The following MAP2K4 variants were observed in gnomAD, a reference collection of about 807,000 sequenced individuals.
MAP2K4 encodes the protein dual specificity mitogen-activated protein kinase kinase 4.
In MAP2K4, 4 loss-of-function variants were observed where a neutral mutation model predicts 48.5. That is an observed-to-expected ratio of 0.08 (90% CI 0.04 to 0.19). The LOEUF is 0.19. Ranked by LOEUF, MAP2K4 falls within the 10% of genes least tolerant of loss-of-function variation. The probability of loss-of-function intolerance (pLI) is 1.00; values close to 1 mark genes in which losing one functional copy is unlikely to be tolerated. For synonymous variants in MAP2K4, 166 were observed against 173.1 expected (o/e 0.96, Z 0.32); for missense variants, 258 against 493.3 (o/e 0.52, Z 4.52).
chr17:12,061,991 T>C (rs1230007083), intron 2 of MAP2K4, among the ~76,000 whole-genome samples: 2 of 152,056 alleles, frequency 1.3e-5, no homozygotes, highest in Non-Finnish European at 2.9e-5. Flanking sequence ...CTGCCTCATA[T>C]ATGGTTCACT....
intron 2 of MAP2K4, among the ~76,000 whole-genome samples, chr17:12,060,940 G>T (rs936614160): frequency 6.6e-6 from 1 of 151,884 alleles, no homozygotes; most frequent in South Asian, 2.1e-4. Flanking sequence ...TTCTCAGATC[G>T]AACTTCTGTA....
rs1294433193 is a variant in MAP2K4 at position 12,020,962 on chromosome 17, TC to T, written c.80del (p.Pro27ArgfsTer18). On this transcript the variant is annotated frameshift_variant, in exon 1 of 11. Coordinates refer to ENST00000353533, the MANE Select transcript of MAP2K4 (RefSeq NM_003010.4). LOFTEE classifies it high-confidence loss of function. Reference protein sequence around the residue: ...SGSGTPGPVGSPAPGHPAVSS... With the variant: ...SGSGTPGPVGXPAPGHPAVSS... ...CAGCGGCACCCCCGGCCCCGTAGGG[TC>T]CCCGGCGCCAGGCCACCCGGCCGTC... The T allele has an allele frequency of 1.7e-6, 2 of 1,204,710 alleles. No homozygotes were observed. Among genetic ancestry groups the T allele is most frequent in the Non-Finnish European group, 2.1e-6 (2 of 971,532 alleles). 74.6% of individuals were successfully genotyped at this position (1,204,710 alleles called of 1,614,324 possible).
intron 2 of MAP2K4, among the ~76,000 whole-genome samples, chr17:12,063,762 C>G (rs1052960327): frequency 1.3e-5 from 2 of 152,052 alleles, no homozygotes; most frequent in East Asian, 3.9e-4. Flanking sequence ...CACTTGAGGT[C>G]AGGAGTTCAA....
intron 2 of MAP2K4, among the ~76,000 whole-genome samples, chr17:12,066,296 C>T (rs1970614819): frequency 6.6e-6 from 1 of 152,060 alleles, no homozygotes; most frequent in Non-Finnish European, 1.5e-5. Flanking sequence ...AAAAAATCAG[C>T]TTCATGCCCT....
At chr17:12,123,902 A>G (rs1289816954) in intron 7 of MAP2K4, among the ~76,000 whole-genome samples, 1 of 152,106 alleles carries the variant, frequency 6.6e-6, no homozygotes, top group Admixed American at 6.5e-5. Flanking sequence ...CATGCTTTCC[A>G]TCTTTTAAAA....
chr17:12,098,822 G>A (rs1229833864), intron 4 of MAP2K4, among the ~76,000 whole-genome samples: 1 of 152,028 alleles, frequency 6.6e-6, no homozygotes, highest in Non-Finnish European at 1.5e-5. Context: ...CTCTTGGTTT[G>A]GTTCAGTCAG....
At chr17:12,070,946 TGTTGG>T (rs1970782795) in intron 2 of MAP2K4, among the ~76,000 whole-genome samples, 5 of 152,202 alleles carry the variant, frequency 3.3e-5, no homozygotes, top group Admixed American at 6.5e-5. Context: ...AATCTGAAGG[TGTTGG>T]CAGGGCCATG....
chr17:12,115,578 C>T (rs909923294), intron 7 of MAP2K4: 6 of 707,946 alleles, frequency 8.5e-6, no homozygotes, highest in Admixed American at 1.9e-5. Flanking sequence ...GAGGAGACTG[C>T]TTTTGTTGTT....
chr17:12,056,592 TG>T (rs1204704846), intron 2 of MAP2K4, among the ~76,000 whole-genome samples: 1 of 152,140 alleles, frequency 6.6e-6, no homozygotes, highest in Admixed American at 6.5e-5. Flanking sequence ...AGCTTGATTC[TG>T]GTATGTAAAA....
At chr17:12,036,217 C>G (rs1331288517) in intron 1 of MAP2K4, among the ~76,000 whole-genome samples, 1 of 151,968 alleles carries the variant, frequency 6.6e-6, no homozygotes, top group East Asian at 1.9e-4. Context: ...ACTGTTGGAT[C>G]ATTGAATTTT....
chr17:12,132,104 A>G lies in MAP2K4; in HGVS notation c.1040+2817A>G, dbSNP rs12938824. On this transcript the variant is annotated intron_variant, in intron 9 of 10. Coordinates refer to ENST00000353533, the MANE Select transcript of MAP2K4 (RefSeq NM_003010.4). The stretch of plus-strand genomic sequence containing the variant: ...AGTACCAAATATTGGTGAGGATCTG[A>G]AGCAACTGGAAGTCTCATACATAAC... Among the ~76,000 whole-genome samples the G allele has an allele frequency of 2.4e-3, 364 of 152,338 alleles. 2 individuals carry two copies. Among genetic ancestry groups the G allele is most frequent in the Non-Finnish European group, 3.6e-3 (246 of 68,022 alleles).
intron 7 of MAP2K4, among the ~76,000 whole-genome samples, chr17:12,121,407 C>T (rs1383037765): frequency 1.3e-5 from 2 of 151,694 alleles, no homozygotes; most frequent in African/African-American, 4.8e-5. Flanking sequence ...TCCCATATGT[C>T]AAAAAAACTA....
At chr17:12,050,211 G>A (rs1970094431) in intron 1 of MAP2K4, among the ~76,000 whole-genome samples, 2 of 152,018 alleles carry the variant, frequency 1.3e-5, no homozygotes, top group Admixed American at 6.6e-5. Flanking sequence ...ATTAGATGGC[G>A]GCAGGGGGCA....
intron 10 of MAP2K4, among the ~76,000 whole-genome samples, chr17:12,140,752 T>C (rs1973352295): frequency 6.6e-6 from 1 of 152,172 alleles, no homozygotes; most frequent in Non-Finnish European, 1.5e-5. Flanking sequence ...AGATTTATAT[T>C]GGTGTCCCAA....
At position 12,122,133 on chromosome 17, in the gene MAP2K4, C is replaced by T. The variant is rs117494369; in HGVS notation, c.814-3161C>T. 4.2e-3 allele frequency among the ~76,000 whole-genome samples: 639 copies of T among 152,326 alleles called. 1 individual carries two copies. The highest frequency in any genetic ancestry group is 0.036 in the East Asian group (184 of 5,180). On this transcript the variant is annotated intron_variant, in intron 7 of 10. Transcript: ENST00000353533. ...TTTCCTTTTGTTCTTAAGCAGATAG[C>T]TACAGATAAAGTTTTAAATATCTCC...
chr17:12,024,720 A>C (rs575198161), intron 1 of MAP2K4, among the ~76,000 whole-genome samples: 2 of 152,294 alleles, frequency 1.3e-5, no homozygotes, highest in South Asian at 4.1e-4. Context: ...TTAATAGGAA[A>C]ATTTCTTGCA....
intron 3 of MAP2K4, among the ~76,000 whole-genome samples, chr17:12,086,377 G>A (rs887092835): frequency 2.6e-5 from 4 of 152,154 alleles, no homozygotes; most frequent in South Asian, 2.1e-4. Flanking sequence ...GTGTGGCAGG[G>A]CTGGCCTCTA....
intron 1 of MAP2K4, among the ~76,000 whole-genome samples, chr17:12,052,386 T>G (rs1294233387): frequency 6.6e-6 from 1 of 152,212 alleles, no homozygotes; most frequent in Non-Finnish European, 1.5e-5. Flanking sequence ...AGCTTTCAAT[T>G]TAGTTTTTAT....
At chr17:12,124,077 CAA>C (rs11354934) in intron 7 of MAP2K4, among the ~76,000 whole-genome samples, 3 of 151,358 alleles carry the variant, frequency 2.0e-5, no homozygotes, top group African/African-American at 7.3e-5. Context: ...ATATTTACAA[CAA>C]AAAAAAACAA....
Sources: gnomAD v4.1 joint callset for allele counts (sites outside exome capture counted in the v4.1 genomes callset) on GRCh38, gnomAD v4.1.1 for gene constraint, MANE v1.5 for transcripts, NCBI Gene and HGNC (gene_info 2026-07-23, HGNC 2026-07-21) for gene names.